PCARE: variants seen among roughly 807,000 people sequenced by gnomAD.
The protein encoded by PCARE is photoreceptor cilium actin regulator.
PCARE carries 72 observed loss-of-function variants against 82.2 expected under a neutral mutation model. That is an observed-to-expected ratio of 0.88 (90% confidence interval 0.72 to 1.07). The LOEUF (loss-of-function observed/expected upper bound fraction) is 1.07, where lower values mean the gene tolerates loss of function less well. Ranked by LOEUF, PCARE falls within the 50% of genes least tolerant of loss-of-function variation. PCARE has a pLI of 0.00. For synonymous variants in PCARE, 705 were observed against 634.8 expected (o/e 1.11, Z -1.66); for missense variants, 1,768 against 1,592.4 (o/e 1.11, Z -1.88).
chr2:29,071,024 C>T lies in PCARE; in HGVS notation c.3238G>A (p.Ala1080Thr). The T allele has an allele frequency of 1.3e-6, 2 of 1,578,708 alleles. No individual in the cohort carries two copies. The highest frequency in any genetic ancestry group is 8.6e-7 in the Non-Finnish European group (1 of 1,167,676). ...VPSPPTQHPEASPPFSIPSPS... is the reference protein window; with the variant it reads ...VPSPPTQHPETSPPFSIPSPS... ...GAGGGAATCGAGAAAGGGGGGCTTG[C>T]TTCTGGGTGCTGGGTTGGGGGGCTG... Residue 1080 changes from alanine (A) to threonine (T), a missense_variant, in exon 1 of 2, where the codon GCA (alanine) becomes ACA (threonine). Physicochemically the swap from Ala to Thr is moderately conservative, Grantham distance 58. Coordinates refer to ENST00000331664, the MANE Select transcript of PCARE (RefSeq NM_001029883.3).
chr2:29,069,064 C>T lies in PCARE; in HGVS notation c.3668+1530G>A, dbSNP rs756182223. Reference sequence around the variant, plus strand: ...TTTGTGAATGCAGGGTGGAGAGCCCCGCGTCTACATGAGGTGTGAGATCCC... The same window carrying T: ...TTTGTGAATGCAGGGTGGAGAGCCCTGCGTCTACATGAGGTGTGAGATCCC... On this transcript the variant is annotated intron_variant, in intron 1 of 1. Transcript: ENST00000331664. 8.5e-5 allele frequency among the ~76,000 whole-genome samples: 13 copies of T among 152,086 alleles called. 1 individual carries two copies. The South Asian group carries it at 1.5e-3, about 17-fold the overall frequency.
At position 29,074,431 on chromosome 2, in the gene PCARE, T is replaced by C. The variant is rs1192047959; in HGVS notation, c.-170A>G. ...CTTGGAACCAGCTTTCTTTATTTTCTTGGTCCAAATGTGAAGAGGGAGTGG... is the reference window on the plus strand; with the variant it reads ...CTTGGAACCAGCTTTCTTTATTTTCCTGGTCCAAATGTGAAGAGGGAGTGG... On this transcript the variant is annotated 5_prime_UTR_variant, in exon 1 of 2. Coordinates refer to ENST00000331664, the MANE Select transcript of PCARE (RefSeq NM_001029883.3). Among the ~76,000 whole-genome samples, 1 of 152,212 alleles carries C rather than the reference T, an allele frequency of 6.6e-6. No homozygotes were observed. Among genetic ancestry groups the C allele is most frequent in the Non-Finnish European group, 1.5e-5 (1 of 68,020 alleles).
At position 29,073,878 on chromosome 2, in the gene PCARE, G is replaced by T. The variant is rs1667541843; in HGVS notation, c.384C>A (p.Asp128Glu). Residue 128 changes from aspartate to glutamate, a missense_variant, in exon 1 of 2, where the codon GAC becomes GAA. Physicochemically the swap from Asp to Glu is conservative, Grantham distance 45. Coordinates refer to ENST00000331664, the MANE Select transcript of PCARE (RefSeq NM_001029883.3). ...TQGSHGSQGA[D>E]FSGDESEESS... is the part of the protein sequence containing the mutation. ...TTTCCTCACTCTCATCTCCAGAAAA[G>T]TCTGCCCCTTGTGATCCATGGGAAC... 1 of 1,614,248 alleles carries T rather than the reference G, an allele frequency of 6.2e-7. No homozygotes were observed.
In PCARE at chr2:29,064,548, C is replaced by A. The variant is rs942176962; in HGVS notation, c.*321G>T. On this transcript the variant is annotated 3_prime_UTR_variant, in exon 2 of 2. Transcript: ENST00000331664. Reference sequence around the variant, plus strand: ...CTCAAGGAATGAACCCAGTTAAAACCCTATCAAGCATGCAACTATACATTC... The same window carrying A: ...CTCAAGGAATGAACCCAGTTAAAACACTATCAAGCATGCAACTATACATTC... 4.0e-6 allele frequency: 2 copies of A among 505,884 alleles called. No individual in the cohort carries two copies. Among genetic ancestry groups the A allele is most frequent in the South Asian group, 2.3e-5 (1 of 43,954 alleles). The allele number at this position is 505,884 out of a possible 1,614,324, so 31.3% of individuals were successfully genotyped here.
intron 1 of PCARE, among the ~76,000 whole-genome samples, chr2:29,065,728 C>T (rs1667380640): frequency 6.6e-6 from 1 of 152,344 alleles, no homozygotes; most frequent in Non-Finnish European, 1.5e-5. Context: ...CCACACTGGC[C>T]GTCTGCTGGC....
Position 29,061,762 on chromosome 2 carries a change from C to T in PCARE, c.*3107G>A, listed in dbSNP as rs1476082603. ...GAACAAAGAAAAACTGTCCTCCCTT[C>T]CCCCTTGGGCAAAGGAAGTGGATTT... On this transcript the variant is annotated 3_prime_UTR_variant, in exon 2 of 2. Coordinates refer to ENST00000331664, the MANE Select transcript of PCARE (RefSeq NM_001029883.3). 1 of 152,232 alleles carries T rather than the reference C, an allele frequency of 6.6e-6. No individual in the cohort carries two copies. The highest frequency in any genetic ancestry group is 2.4e-5 in the African/African-American group (1 of 41,462). The allele number at this position is 152,232 out of a possible 1,614,324, so 9.4% of individuals were successfully genotyped here. A position where few individuals can be genotyped will look rare whatever the true frequency, so the allele number is the denominator to read the frequency against.
intron 1 of PCARE, among the ~76,000 whole-genome samples, chr2:29,066,142 CTG>C (rs1298968113): frequency 2.0e-5 from 3 of 152,096 alleles, no homozygotes; most frequent in African/African-American, 7.2e-5. Flanking sequence ...GAGTGAAACT[CTG>C]TCTTAAAATA....
Position 29,063,765 on chromosome 2 carries a change from C to T in PCARE, c.*1104G>A, listed in dbSNP as rs1409712939. ...TCCAAGATCTGCAGCAAATATCTAG[C>T]TCATTGGCAGAAGCAGGTTTTTGGC... On this transcript the variant is annotated 3_prime_UTR_variant, in exon 2 of 2. Transcript: ENST00000331664. 1 of 152,610 alleles carries T rather than the reference C, an allele frequency of 6.6e-6. No homozygotes were observed. The highest frequency in any genetic ancestry group is 1.9e-4 in the East Asian group (1 of 5,200). The allele number at this position is 152,610 out of a possible 1,614,324, so 9.5% of individuals were successfully genotyped here. A position where few individuals can be genotyped will look rare whatever the true frequency, so the allele number is the denominator to read the frequency against.
In PCARE at chr2:29,073,250, G is replaced by T; in HGVS notation, c.1012C>A (p.Pro338Thr). The T allele has an allele frequency of 1.2e-6, 2 of 1,613,928 alleles. No individual in the cohort carries two copies. The highest frequency in any genetic ancestry group is 1.7e-6 in the Non-Finnish European group (2 of 1,179,892). ...LESLASGCGD[P>T]GVQGLPLCSE... Reference sequence around the variant, plus strand: ...CATAAGGGGAGACCCTGCACCCCAGGGTCGCCACAGCCACTCGCCAGGCTC... The same window carrying T: ...CATAAGGGGAGACCCTGCACCCCAGTGTCGCCACAGCCACTCGCCAGGCTC... Residue 338 changes from proline to threonine, a missense_variant, in exon 1 of 2, where the codon CCT becomes ACT. Pro to Thr is a conservative substitution (Grantham distance 38). Transcript: ENST00000331664.
rs770331687 is a variant in PCARE, at chr2:29,072,190, T to C, written c.2072A>G (p.His691Arg). The change falls in exon 1 of 2, where the codon CAT becomes CGT. Residue 691 changes from histidine to arginine, a missense_variant. Physicochemically the swap from His to Arg is conservative, Grantham distance 29. Coordinates refer to ENST00000331664, the MANE Select transcript of PCARE (RefSeq NM_001029883.3). ...AGCTTTGCCTTGTTCGTCCTCAGGA[T>C]GGGGATTGCATTTCTGCAAGATGCT... Reference protein sequence around the residue: ...DKSILQKCNPHPEDEQGKAGK... With the variant: ...DKSILQKCNPRPEDEQGKAGK... 1.2e-6 allele frequency: 2 copies of C among 1,614,190 alleles called. No homozygotes were observed. Among genetic ancestry groups the C allele is most frequent in the Non-Finnish European group, 1.7e-6 (2 of 1,180,032 alleles).
At position 29,073,210 on chromosome 2, in the gene PCARE, C is replaced by G. The variant is rs753807312; in HGVS notation, c.1052G>C (p.Gly351Ala). Residue 351 changes from glycine (G) to alanine (A), a missense_variant, in exon 1 of 2, where the codon GGC becomes GCC. By Grantham distance (60) the Gly-to-Ala change is moderately conservative (BLOSUM62 0). Transcript: ENST00000331664. ...QGLPLCSEDS[G>A]IGADNESVQS... ...CACGGACTCATTGTCAGCACCAATG[C>G]CACTGTCCTCAGAGCATAAGGGGAG... 11 of 1,614,034 alleles carry G rather than the reference C, an allele frequency of 6.8e-6. No homozygotes were observed. Among genetic ancestry groups the G allele is most frequent in the Non-Finnish European group, 1.7e-6 (2 of 1,180,018 alleles).
rs199580720 is a variant in PCARE, at chr2:29,072,977, C to G, written c.1285G>C (p.Glu429Gln). The G allele has an allele frequency of 1.2e-6, 2 of 1,614,144 alleles. No individual in the cohort carries two copies. Among genetic ancestry groups the G allele is most frequent in the South Asian group, 1.1e-5 (1 of 91,070 alleles). Residue 429 changes from glutamate to glutamine, a missense_variant, in exon 1 of 2, where the codon GAA (glutamate) becomes CAA (glutamine). Glu to Gln is a conservative substitution (Grantham distance 29). Coordinates refer to ENST00000331664, the MANE Select transcript of PCARE (RefSeq NM_001029883.3). ...CTGGAGAGGCATGGGCTCCTTGCTT[C>G]GTCCTGTGCTCGTGGCTGAACCTTT... ...MAKVQPRAQD[E>Q]ARSPCLSSTS...
At chr2:29,066,166 T>G (rs528175805) in intron 1 of PCARE, among the ~76,000 whole-genome samples, 9 of 151,920 alleles carry the variant, frequency 5.9e-5, no homozygotes, top group African/African-American at 1.9e-4. Flanking sequence ...AAATAAAAAT[T>G]AAAAAAGGAA....
In PCARE at chr2:29,074,061, G is replaced by C; in HGVS notation, c.201C>G (p.Asn67Lys). Reference sequence around the variant, plus strand: ...GACAAAGACCTTTAGCTGTGGTTTGGTTCCTCCTGGGACTTGGCTGCTCCT... The same window carrying C: ...GACAAAGACCTTTAGCTGTGGTTTGCTTCCTCCTGGGACTTGGCTGCTCCT... ...LAEEQPSPRR[N>K]QTTAKGLCQL... The change falls in exon 1 of 2, where the codon AAC becomes AAG. Residue 67 changes from asparagine (N) to lysine (K), a missense_variant. Transcript: ENST00000331664. 1 of 1,614,170 alleles carries C rather than the reference G, an allele frequency of 6.2e-7. No individual in the cohort carries two copies. The highest frequency in any genetic ancestry group is 8.5e-7 in the Non-Finnish European group (1 of 1,180,030).
Position 29,073,698 on chromosome 2 carries a change from G to A in PCARE, c.564C>T (p.Tyr188=). 6.2e-7 allele frequency: 1 copy of A among 1,614,156 alleles called. No homozygotes were observed. The part of the protein sequence containing the change: ...EPLVKAHQQA[Y]TYLHSSLSKY... ...TGGAGAGGCTGGAGTGTAGATAGGT[G>A]TAAGCCTGCTGGTGGGCCTTTACCA... The change falls in exon 1 of 2, where the codon TAC becomes TAT. Residue 188 remains tyrosine (Y), a synonymous_variant. Transcript: ENST00000331664.
Position 29,073,302 on chromosome 2 carries a change from G to A in PCARE, c.960C>T (p.Arg320=), listed in dbSNP as rs1193681432. 3 of 1,614,178 alleles carry A rather than the reference G, an allele frequency of 1.9e-6. No homozygotes were observed. The East Asian group carries it at 6.7e-5, about 36-fold the overall frequency. ...KLSTKRNVDE[R]LLRALRQLES... Reference sequence around the variant, plus strand: ...CTAGCTGCCTCAGAGCCCTCAGGAGGCGTTCATCCACATTCCTTTTTGTGC... The same window carrying A: ...CTAGCTGCCTCAGAGCCCTCAGGAGACGTTCATCCACATTCCTTTTTGTGC... The change falls in exon 1 of 2, where the codon CGC becomes CGT. Residue 320 remains arginine (R), a synonymous_variant. Transcript: ENST00000331664.
Position 29,074,270 on chromosome 2 carries a change from CT to C in PCARE, c.-10del, listed in dbSNP as rs753581242. 1.2e-5 allele frequency: 18 copies of C among 1,520,840 alleles called. No individual in the cohort carries two copies. The highest frequency in any genetic ancestry group is 1.5e-5 in the Non-Finnish European group (17 of 1,136,810). The allele number at this position is 1,520,840 out of a possible 1,614,324, so 94.2% of individuals were successfully genotyped here. ...GAAGGTGTACACCCCATGATTTCAGCTTGTAGTCATCTTCCACCCACCTTCA... is the reference window on the plus strand; with the variant it reads ...GAAGGTGTACACCCCATGATTTCAGCTGTAGTCATCTTCCACCCACCTTCA... On this transcript the variant is annotated 5_prime_UTR_variant, in exon 1 of 2. It removes the in-frame stop codon of an upstream open reading frame in the 5' UTR. Coordinates refer to ENST00000331664, the MANE Select transcript of PCARE (RefSeq NM_001029883.3).
chr2:29,074,120 A>G lies in PCARE; in HGVS notation c.142T>C (p.Ser48Pro). ...CCCTCCCCAGCGTCATAGCAGGTGG[A>G]GTTTTTAACCAGCAAAGGGATGGAA... ...RGSIPLLVKN[S>P]TCYDAGEGLA... The change falls in exon 1 of 2, where the codon TCC becomes CCC. Residue 48 changes from serine (S) to proline (P), a missense_variant. Physicochemically the swap from Ser to Pro is moderately conservative, Grantham distance 74. Transcript: ENST00000331664. 1.2e-6 allele frequency: 2 copies of G among 1,614,080 alleles called. No individual in the cohort carries two copies. Among genetic ancestry groups the G allele is most frequent in the East Asian group, 2.2e-5 (1 of 44,868 alleles).
chr2:29,065,971 A>C (rs1350080899), intron 1 of PCARE, among the ~76,000 whole-genome samples: 1 of 152,014 alleles, frequency 6.6e-6, no homozygotes, highest in Non-Finnish European at 1.5e-5. Context: ...ACATGGTGAA[A>C]CCCCATCTCT....
Sources: allele counts gnomAD v4.1 joint callset (sites outside exome capture counted in the v4.1 genomes callset), GRCh38; gene constraint gnomAD v4.1.1; transcripts MANE v1.5; gene names NCBI Gene and HGNC (gene_info 2026-07-23, HGNC 2026-07-21).